The following MDN1 variants were observed in gnomAD, a reference collection of about 807,000 sequenced individuals.
MDN1 encodes midasin.
A neutral mutation model predicts 669.2 loss-of-function variants in MDN1; 266 were observed. That is an observed-to-expected ratio of 0.40 (90% CI 0.36 to 0.44). The LOEUF (loss-of-function observed/expected upper bound fraction) is 0.44, where lower values mean the gene tolerates loss of function less well. MDN1 is among the 20% of genes least tolerant of loss of function. The probability of loss-of-function intolerance (pLI) is 1.00; values close to 1 mark genes in which losing one functional copy is unlikely to be tolerated. For synonymous variants in MDN1, 2,385 were observed against 2,457.1 expected, an observed-to-expected ratio of 0.97 and a Z score of 0.87; for missense variants, 5,940 against 6,754.0, an observed-to-expected ratio of 0.88 and a Z score of 4.22.
chr6:89,768,739 C>A (rs565345618), intron 15 of MDN1, among the ~76,000 whole-genome samples: 6 of 151,550 alleles, frequency 4.0e-5, no homozygotes, highest in Admixed American at 3.3e-4. Flanking sequence ...CCTGTCCCCC[C>A]CCAAAAAAAG....
intron 9 of MDN1, 146 bp downstream of exon 9, chr6:89,784,866 C>G (rs1001993660): frequency 5.5e-6 from 3 of 546,364 alleles, no homozygotes; most frequent in Non-Finnish European, 9.8e-6. Context: ...GAAAAAATAA[C>G]AGATGAAGCA....
chr6:89,730,859 G>T lies in MDN1; in HGVS notation c.5007C>A (p.Ile1669=). Reference sequence around the variant, plus strand: ...GTCGTACTATCTTGGCAAGCCTCTTGATTAGAAATTTCAGACATTCTTTTC... The same window carrying T: ...GTCGTACTATCTTGGCAAGCCTCTTTATTAGAAATTTCAGACATTCTTTTC... ...LARKECLKFL[I]KRLAKIVRLT... is the part of the protein sequence containing the mutation. Residue 1669 remains isoleucine, a synonymous_variant, in exon 35 of 102, where the codon ATC becomes ATA. Coordinates refer to ENST00000369393, the MANE Select transcript of MDN1 (RefSeq NM_014611.3). The T allele has an allele frequency of 6.2e-7, 1 of 1,614,002 alleles. No individual in the cohort carries two copies.
At chr6:89,763,262 G>C (rs1040962146) in intron 15 of MDN1, among the ~76,000 whole-genome samples, 3 of 149,196 alleles carry the variant, frequency 2.0e-5, no homozygotes, top group African/African-American at 4.9e-5. Context: ...TTATCAGTTA[G>C]GAAAACGAAG....
chr6:89,734,899 G>GTT (rs200183493), intron 33 of MDN1, among the ~76,000 whole-genome samples: 27 of 145,608 alleles, frequency 1.9e-4, no homozygotes, highest in South Asian at 6.5e-4. Flanking sequence ...TTTCTTGGTT[G>GTT]TTTTTTTTTT....
At chr6:89,667,919 T>A in intron 84 of MDN1, 95 bp downstream of exon 84, 7 of 1,470,386 alleles carry the variant, frequency 4.8e-6, no homozygotes, top group Non-Finnish European at 6.5e-6. Context: ...GATTAAAAAT[T>A]ATTAACCTAG....
chr6:89,780,068 C>CAAAA, intron 11 of MDN1, 144 bp downstream of exon 11: 2 of 374,348 alleles, frequency 5.3e-6, no homozygotes, highest in East Asian at 4.6e-5. Flanking sequence ...GACTTCGTCT[C>CAAAA]AAAAAAAAAA....
rs1562212964 is a variant in MDN1, at chr6:89,781,605, G to A, written c.1450-13C>T. The A allele has an allele frequency of 6.5e-7, 1 of 1,532,684 alleles. No individual in the cohort carries two copies. Among genetic ancestry groups the A allele is most frequent in the Non-Finnish European group, 8.8e-7 (1 of 1,138,506 alleles). 94.9% of individuals were successfully genotyped at this position (1,532,684 alleles called of 1,614,324 possible). On this transcript the variant is annotated splice_polypyrimidine_tract_variant and intron_variant, in intron 9 of 101. Coordinates refer to ENST00000369393, the MANE Select transcript of MDN1 (RefSeq NM_014611.3). ...TGCTCTGAAGAACCTGACAGAGGGG[G>A]AAAAAAAAGAAAATTTAACAGCCAG...
rs906582864 is a variant in MDN1 at position 89,732,757 on chromosome 6, A to G, written c.4742T>C (p.Val1581Ala). The change falls in exon 34 of 102, where the codon GTG becomes GCG. Residue 1581 changes from valine to alanine, a missense_variant. Coordinates refer to ENST00000369393, the MANE Select transcript of MDN1 (RefSeq NM_014611.3). ...IDPKGSDIPE[V>A]MLDFIDWLTH... ...CAGCCAGTCAATGAAATCCAGCATC[A>G]CTTCAGGTATGTCAGACCCTAAACA... 3 of 1,613,820 alleles carry G rather than the reference A, an allele frequency of 1.9e-6. No homozygotes were observed. Among genetic ancestry groups the G allele is most frequent in the East Asian group, 2.2e-5 (1 of 44,892 alleles).
At chr6:89,751,975 G>C (rs1052760958) in intron 22 of MDN1, among the ~76,000 whole-genome samples, 1 of 152,156 alleles carries the variant, frequency 6.6e-6, no homozygotes, top group African/African-American at 2.4e-5. Context: ...ATTATACTCT[G>C]GATTGCCTAG....
intron 19 of MDN1, among the ~76,000 whole-genome samples, chr6:89,757,380 C>A (rs182257627): frequency 6.6e-6 from 1 of 152,042 alleles, no homozygotes; most frequent in Non-Finnish European, 1.5e-5. Context: ...CCTGTTATAT[C>A]GTGTTATGAA....
rs779569730 is a variant in MDN1 at position 89,674,274 on chromosome 6, T to C, written c.13077A>G (p.Pro4359=). Residue 4359 remains proline (P), a synonymous_variant, in exon 79 of 102, where the codon CCA becomes CCG. Coordinates refer to ENST00000369393, the MANE Select transcript of MDN1 (RefSeq NM_014611.3). ...LDLIPSNLSY[P]SPIPGSQLPS... The stretch of plus-strand genomic sequence containing the variant: ...GCAGCTGACTTCCAGGTATTGGAGA[T>C]GGGTAGCTCAGATTGGAAGGAATTA... 7 of 1,614,220 alleles carry C rather than the reference T, an allele frequency of 4.3e-6. No homozygotes were observed. Among genetic ancestry groups the C allele is most frequent in the Middle Eastern group, 3.3e-4 (2 of 6,062 alleles).
At chr6:89,756,764 T>C (rs1251243726) in intron 19 of MDN1, among the ~76,000 whole-genome samples, 1 of 151,852 alleles carries the variant, frequency 6.6e-6, no homozygotes, top group Non-Finnish European at 1.5e-5. Context: ...CTACTAAAAA[T>C]ACAAGAATTA....
At chr6:89,648,357 G>A (rs1443784285) in intron 97 of MDN1, 28 bp from the exon 98 acceptor site, 3 of 1,600,372 alleles carry the variant, frequency 1.9e-6, no homozygotes, top group East Asian at 4.5e-5. Context: ...AATGATTTTA[G>A]GAATCAGAAT....
chr6:89,658,381 G>T lies in MDN1; in HGVS notation c.15022-11C>A. 6.2e-7 allele frequency: 1 copy of T among 1,613,948 alleles called. No homozygotes were observed. The highest frequency in any genetic ancestry group is 8.5e-7 in the Non-Finnish European group (1 of 1,180,026). On this transcript the variant is annotated splice_polypyrimidine_tract_variant and intron_variant, in intron 89 of 101. Coordinates refer to ENST00000369393, the MANE Select transcript of MDN1 (RefSeq NM_014611.3). ...CCGTTCTTCTTCCTCCTTCGGCAGA[G>T]AAATCAAACACAGCATTAAATGCTC... is the stretch of plus-strand genomic sequence containing the variant.
intron 66 of MDN1, 73 bp downstream of exon 66, chr6:89,688,500 G>A: frequency 2.1e-6 from 3 of 1,396,474 alleles, no homozygotes; most frequent in East Asian, 2.3e-5. Context: ...GGTGCCCCCA[G>A]GGATAATGGT....
chr6:89,740,187 G>C (rs768409738), intron 32 of MDN1, 47 bp downstream of exon 32: 2 of 1,596,360 alleles, frequency 1.3e-6, no homozygotes, highest in Non-Finnish European at 1.7e-6. Context: ...GTACCAGTAA[G>C]CTGAGGTCAA....
At chr6:89,790,441 T>C in intron 5 of MDN1, 40 bp from the exon 6 acceptor site, 1 of 1,611,514 alleles carries the variant, frequency 6.2e-7, no homozygotes. Context: ...GAAGAGTTCT[T>C]CCCCCAAGGA....
At chr6:89,708,190 G>A (rs1022243908) in intron 51 of MDN1, among the ~76,000 whole-genome samples, 4 of 152,170 alleles carry the variant, frequency 2.6e-5, no homozygotes, top group African/African-American at 9.6e-5. Flanking sequence ...GTAGTCCCAG[G>A]TACTTGGGAG....
intron 45 of MDN1, 149 bp from the exon 46 acceptor site, chr6:89,714,900 A>G (rs1015529549): frequency 1.4e-5 from 9 of 661,140 alleles, no homozygotes; most frequent in Non-Finnish European, 1.8e-5. Flanking sequence ...GCATGCATCA[A>G]TATAGCAAAA....
Sources: gnomAD v4.1 joint callset for allele counts (sites outside exome capture counted in the v4.1 genomes callset) on GRCh38, gnomAD v4.1.1 for gene constraint, MANE v1.5 for transcripts, NCBI Gene and HGNC (gene_info 2026-07-23, HGNC 2026-07-21) for gene names.